Variants in OPCML observed in about 807,000 individuals in gnomAD.
The protein encoded by OPCML is opioid binding protein/cell adhesion molecule like.
OPCML carries 13 observed loss-of-function variants against 37.8 expected under a neutral mutation model. The observed-to-expected ratio is 0.34, with a 90% CI of 0.22 to 0.55. OPCML has a LOEUF of 0.55. OPCML is among the 20% of genes least tolerant of loss of function. The probability of loss-of-function intolerance (pLI) is 0.91; values close to 1 mark genes in which losing one functional copy is unlikely to be tolerated. For synonymous variants in OPCML, 176 were observed against 168.8 expected (o/e 1.04, Z -0.33); for missense variants, 341 against 435.6 (o/e 0.78, Z 1.93).
At chr11:133,302,697 CAT>C (rs1942810294) in intron 1 of OPCML, 1 of 152,176 alleles carries the variant, frequency 6.6e-6, no homozygotes, top group South Asian at 2.1e-4. Context: ...GTTTAAAATA[CAT>C]GTTATAATAT....
chr11:133,227,638 GA>G (rs199907156), intron 1 of OPCML, among the ~76,000 whole-genome samples: 11 of 150,320 alleles, frequency 7.3e-5, no homozygotes, highest in East Asian at 1.9e-4. Flanking sequence ...ATCAAGGAAA[GA>G]AAAAAAAAGG....
intron 4 of OPCML, among the ~76,000 whole-genome samples, chr11:132,437,827 T>C (rs1240251419): frequency 6.6e-6 from 1 of 152,260 alleles, no homozygotes; most frequent in Non-Finnish European, 1.5e-5. Context: ...AAACTACTAC[T>C]TGTAGAACGA....
At chr11:133,065,865 T>TC (rs1334824290) in intron 1 of OPCML, 1 of 152,656 alleles carries the variant, frequency 6.6e-6, no homozygotes, top group Non-Finnish European at 1.5e-5. Context: ...CGAAGCTCCC[T>TC]CCTCTCCCGG....
rs568026592 is a variant in OPCML at position 132,644,302 on chromosome 11, A to G, written c.379+12785T>C. On this transcript the variant is annotated intron_variant, in intron 3 of 7. Coordinates refer to ENST00000524381, the MANE Select transcript of OPCML (RefSeq NM_001012393.5). The stretch of plus-strand genomic sequence containing the variant: ...GAGCAGTATTTCTACAGCTCTGTTA[A>G]TCACCCTTCATCTGTCAATCAGAGG... Among the ~76,000 whole-genome samples, 13 of 152,238 alleles carry G rather than the reference A, an allele frequency of 8.5e-5. No homozygotes were observed. The East Asian group carries it at 2.5e-3, about 29-fold the overall frequency.
chr11:132,651,120 AC>A (rs535862148), intron 3 of OPCML, among the ~76,000 whole-genome samples: 171 of 152,232 alleles, frequency 1.1e-3, no homozygotes, highest in Non-Finnish European at 2.2e-3. Flanking sequence ...CTCAGGGCCC[AC>A]CCTTTTCTGG....
intron 1 of OPCML, among the ~76,000 whole-genome samples, chr11:133,282,439 G>C (rs1942184091): frequency 6.6e-6 from 1 of 152,242 alleles, no homozygotes; most frequent in Non-Finnish European, 1.5e-5. Context: ...ATGCAAGCAT[G>C]AAGGAAGCCT....
At chr11:132,663,792 T>C (rs1208696217) in intron 2 of OPCML, among the ~76,000 whole-genome samples, 1 of 152,228 alleles carries the variant, frequency 6.6e-6, no homozygotes, top group African/African-American at 2.4e-5. Context: ...CACATCCACA[T>C]TGCAACCTGG....
chr11:132,671,923 C>T (rs1942493314), intron 2 of OPCML, among the ~76,000 whole-genome samples: 1 of 152,150 alleles, frequency 6.6e-6, no homozygotes, highest in East Asian at 1.9e-4. Flanking sequence ...TACTTTACAG[C>T]CAATACACCA....
At chr11:132,425,648 G>A (rs1015710384) in intron 7 of OPCML, among the ~76,000 whole-genome samples, 1 of 152,146 alleles carries the variant, frequency 6.6e-6, no homozygotes, top group Non-Finnish European at 1.5e-5. Flanking sequence ...CTTGTGTGGG[G>A]GTTCTGCTTT....
chr11:132,842,225 C>T (rs1427434919), intron 2 of OPCML, among the ~76,000 whole-genome samples: 6 of 152,182 alleles, frequency 3.9e-5, no homozygotes, highest in Non-Finnish European at 5.9e-5. Flanking sequence ...ACCTAGAGCT[C>T]CCATAGGAGT....
At chr11:132,892,132 T>C (rs1223100068) in intron 2 of OPCML, among the ~76,000 whole-genome samples, 1 of 152,252 alleles carries the variant, frequency 6.6e-6, no homozygotes, top group African/African-American at 2.4e-5. Flanking sequence ...AGAGCCTTTG[T>C]TCCAATGTCA....
chr11:132,543,166 T>A (rs1279446101), intron 3 of OPCML, among the ~76,000 whole-genome samples: 5 of 152,098 alleles, frequency 3.3e-5, no homozygotes, highest in Non-Finnish European at 7.4e-5. Flanking sequence ...CTTCAGAAGG[T>A]TCTAGCTGTG....
intron 2 of OPCML, among the ~76,000 whole-genome samples, chr11:132,726,377 T>C (rs1367018860): frequency 6.6e-6 from 1 of 152,176 alleles, no homozygotes; most frequent in African/African-American, 2.4e-5. Flanking sequence ...ATGAGACTTT[T>C]ATTCACTATC....
At position 132,916,242 on chromosome 11, in the gene OPCML, A is replaced by G. The variant is rs77599871; in HGVS notation, c.146+26684T>C. ...CCTTGGAAATAGGACACTAATTCAA[A>G]TCAGCTTTACAGTCTCATCACACTA... is the stretch of plus-strand genomic sequence containing the variant. On this transcript the variant is annotated intron_variant, in intron 2 of 7. Transcript: ENST00000524381. Among the ~76,000 whole-genome samples, 1,044 of 152,310 alleles carry G rather than the reference A, an allele frequency of 6.9e-3. 13 individuals carry two copies. Among genetic ancestry groups the G allele is most frequent in the African/African-American group, 0.024 (1,002 of 41,568 alleles).
At chr11:132,789,940 T>C (rs1179999935) in intron 2 of OPCML, among the ~76,000 whole-genome samples, 3 of 152,190 alleles carry the variant, frequency 2.0e-5, no homozygotes, top group Non-Finnish European at 4.4e-5. Flanking sequence ...CTGGACATTA[T>C]TTCTGATAAG....
At position 132,682,280 on chromosome 11, in the gene OPCML, T is replaced by C. The variant is rs1591719871; in HGVS notation, c.147-24961A>G. Among the ~76,000 whole-genome samples, 4 of 152,320 alleles carry C rather than the reference T, an allele frequency of 2.6e-5. No individual in the cohort carries two copies. In the East Asian group the frequency reaches 7.7e-4, roughly 29 times the overall value. On this transcript the variant is annotated intron_variant, in intron 2 of 7. Transcript: ENST00000524381. ...AAAATTTCCTGTTTCAGTAGGTTTC[T>C]AACCTAAGCTGACAGAATCCCTAAT...
At chr11:132,902,493 T>A (rs924185131) in intron 2 of OPCML, among the ~76,000 whole-genome samples, 1 of 152,060 alleles carries the variant, frequency 6.6e-6, no homozygotes, top group Admixed American at 6.5e-5. Context: ...ACCAAAGGAC[T>A]CAGGCCAGAA....
chr11:132,503,136 A>T (rs1463570988), intron 4 of OPCML, among the ~76,000 whole-genome samples: 1 of 152,238 alleles, frequency 6.6e-6, no homozygotes, highest in Non-Finnish European at 1.5e-5. Context: ...GGCACTAAGG[A>T]AACTGGTTGA....
intron 2 of OPCML, among the ~76,000 whole-genome samples, chr11:132,760,315 C>T (rs1946213652): frequency 6.6e-6 from 1 of 152,044 alleles, no homozygotes; most frequent in Admixed American, 6.6e-5. Flanking sequence ...CTATGAGGTC[C>T]ACTTAGTCCA....
Sources: allele counts gnomAD v4.1 joint callset (sites outside exome capture counted in the v4.1 genomes callset), GRCh38; gene constraint gnomAD v4.1.1; transcripts MANE v1.5; gene names NCBI Gene and HGNC (gene_info 2026-07-23, HGNC 2026-07-21).